Variants in KL observed in about 807,000 individuals in gnomAD.
KL encodes klotho, also known as alpha-klotho.
KL carries 62 observed loss-of-function variants against 84.2 expected under a neutral mutation model. The ratio of observed to expected loss-of-function variants is 0.74; its 90% CI spans 0.60 to 0.91. The LOEUF (loss-of-function observed/expected upper bound fraction) is 0.91, where lower values mean the gene tolerates loss of function less well. Ranked by LOEUF, KL falls within the 40% of genes least tolerant of loss-of-function variation. The pLI is 0.00. For synonymous variants in KL, 528 were observed against 528.0 expected (o/e 1.00, Z 0.00); for missense variants, 1,261 against 1,305.7 (o/e 0.97, Z 0.53).
At chr13:33,062,934 T>C (rs924526474) in intron 4 of KL, among the ~76,000 whole-genome samples, 3 of 151,838 alleles carry the variant, frequency 2.0e-5, no homozygotes, top group Admixed American at 1.3e-4. Context: ...GTCTAAGGCA[T>C]GGTGAAGAGT....
rs1277916059 is a variant in KL, at chr13:33,065,112, C to T, written c.*926C>T. 3 of 226,260 alleles carry T rather than the reference C, an allele frequency of 1.3e-5. No individual in the cohort carries two copies. The highest frequency in any genetic ancestry group is 2.6e-5 in the Non-Finnish European group (3 of 113,522). The allele number at this position is 226,260 out of a possible 1,614,324, so 14.0% of individuals were successfully genotyped here. Reference sequence around the variant, plus strand: ...TTGGAATGAATGACATGACCTTTCCCTAGAGAATAAGGATGAAATAATCAC... The same window carrying T: ...TTGGAATGAATGACATGACCTTTCCTTAGAGAATAAGGATGAAATAATCAC... On this transcript the variant is annotated 3_prime_UTR_variant, in exon 5 of 5. Transcript: ENST00000380099.
intron 1 of KL, among the ~76,000 whole-genome samples, chr13:33,023,294 T>C (rs1379439628): frequency 6.6e-6 from 1 of 152,236 alleles, no homozygotes; most frequent in Non-Finnish European, 1.5e-5. Flanking sequence ...TAAAAGCACC[T>C]TATATATGTC....
Position 33,064,111 on chromosome 13 carries a change from T to A in KL, c.2964T>A (p.Phe988Leu). 6.2e-7 allele frequency: 1 copy of A among 1,613,914 alleles called. No individual in the cohort carries two copies. The highest frequency in any genetic ancestry group is 8.5e-7 in the Non-Finnish European group (1 of 1,179,948). The change falls in exon 5 of 5, where the codon TTT (phenylalanine) becomes TTA (leucine). Residue 988 changes from phenylalanine (F) to leucine (L), a missense_variant. Transcript: ENST00000380099. ...TRKSLLAFIA[F>L]LFFASIISLS... ...AGTCTTTACTGGCTTTCATAGCTTT[T>A]CTATTTTTTGCTTCTATTATTTCTC... is the stretch of plus-strand genomic sequence containing the variant.
rs1872386469 is a variant in KL, at chr13:33,065,672, T to C, written c.*1486T>C. The C allele has an allele frequency of 5.6e-6, 1 of 177,952 alleles. No individual in the cohort carries two copies. Among genetic ancestry groups the C allele is most frequent in the African/African-American group, 2.4e-5 (1 of 42,262 alleles). The allele number at this position is 177,952 out of a possible 1,614,324, so 11.0% of individuals were successfully genotyped here. On this transcript the variant is annotated 3_prime_UTR_variant, in exon 5 of 5. Coordinates refer to ENST00000380099, the MANE Select transcript of KL (RefSeq NM_004795.4). The stretch of plus-strand genomic sequence containing the variant: ...TAAAATTGGATGCTAGAGAATCAAG[T>C]TTATTTTATGTATATATTTTTCTGA...
intron 1 of KL, among the ~76,000 whole-genome samples, chr13:33,030,462 A>T (rs422753): frequency 0.31 from 47,518 of 152,046 alleles, 8,701 homozygotes; most frequent in Admixed American, 0.43. Context: ...TAAAGTTGAG[A>T]AAATTTTCAT....
rs1301195328 is a variant in KL, at chr13:33,044,651, T to TTC, written c.820-9115_820-9114insCT. On this transcript the variant is annotated intron_variant, in intron 1 of 4. Coordinates refer to ENST00000380099, the MANE Select transcript of KL (RefSeq NM_004795.4). ...ATGCAATTGATTTTCTTTTTTTTTT[T>TTC]TTTTTTTTTTTTTTTTTGAGACAGA... Among the ~76,000 whole-genome samples the TTC allele has an allele frequency of 4.6e-3, 443 of 95,834 alleles. 6 individuals carry two copies. Among genetic ancestry groups the TTC allele is most frequent in the African/African-American group, 0.016 (368 of 23,198 alleles). 62.9% of individuals were successfully genotyped at this position (95,834 alleles called of 152,430 possible).
In KL at chr13:33,016,669, G is replaced by A; in HGVS notation, c.229G>A (p.Glu77Lys). ...WAVGSAAYQT[E>K]GGWQQHGKGA... ...CGTGGGCAGCGCCGCCTACCAGACC[G>A]AGGGCGGCTGGCAGCAGCACGGCAA... is the stretch of plus-strand genomic sequence containing the variant. The change falls in exon 1 of 5, where the codon GAG becomes AAG. Residue 77 changes from glutamate (E) to lysine (K), a missense_variant. Coordinates refer to ENST00000380099, the MANE Select transcript of KL (RefSeq NM_004795.4). 6.3e-7 allele frequency: 1 copy of A among 1,593,582 alleles called. No individual in the cohort carries two copies. The highest frequency in any genetic ancestry group is 8.5e-7 in the Non-Finnish European group (1 of 1,170,396).
intron 1 of KL, among the ~76,000 whole-genome samples, chr13:33,018,468 T>C (rs1334266842): frequency 1.3e-5 from 2 of 152,258 alleles, no homozygotes; most frequent in African/African-American, 4.8e-5. Context: ...AATTAGATTT[T>C]ATGTCAGTTC....
At chr13:33,043,182 A>G (rs1315765314) in intron 1 of KL, among the ~76,000 whole-genome samples, 4 of 151,774 alleles carry the variant, frequency 2.6e-5, no homozygotes, top group Admixed American at 1.3e-4. Flanking sequence ...CCATCAATGT[A>G]TGAAATTTCC....
At chr13:33,017,388 G>A (rs1382178507) in intron 1 of KL, 129 bp downstream of exon 1, 7 of 879,006 alleles carry the variant, frequency 8.0e-6, no homozygotes, top group Admixed American at 5.7e-5. Flanking sequence ...TGTGGTCACC[G>A]GGGGAAACTG....
intron 1 of KL, among the ~76,000 whole-genome samples, chr13:33,047,885 CTTA>C (rs1871595369): frequency 6.6e-6 from 1 of 151,758 alleles, no homozygotes; most frequent in Non-Finnish European, 1.5e-5. Flanking sequence ...ATTATTTATT[CTTA>C]TTATTATTCC....
At chr13:33,019,732 T>TGGGAGA (rs139721497) in intron 1 of KL, among the ~76,000 whole-genome samples, 1 of 133,368 alleles carries the variant, frequency 7.5e-6, no homozygotes, top group African/African-American at 3.0e-5. Flanking sequence ...TGTGTGTGTG[T>TGGGAGA]GAGAGAGAGA....
chr13:33,051,830 CTG>C (rs1428801381), intron 1 of KL, among the ~76,000 whole-genome samples: 35 of 152,328 alleles, frequency 2.3e-4, no homozygotes, highest in African/African-American at 7.5e-4. Context: ...TAGGACATGA[CTG>C]TTCATAGGCC....
intron 1 of KL, among the ~76,000 whole-genome samples, chr13:33,021,437 G>T (rs1211992258): frequency 6.6e-6 from 1 of 152,198 alleles, no homozygotes; most frequent in African/African-American, 2.4e-5. Context: ...CTCCTGGCCA[G>T]CTTTAGGAGT....
In KL at chr13:33,064,155, A is replaced by C. The variant is rs35328951; in HGVS notation, c.3008A>C (p.Tyr1003Ser). 6.2e-7 allele frequency: 1 copy of C among 1,610,380 alleles called. No homozygotes were observed. Among genetic ancestry groups the C allele is most frequent in the East Asian group, 2.2e-5 (1 of 44,872 alleles). ...ATTTCTCTCTCCCTTATATTTTACT[A>C]CTCGAAGAAAGGCAGAAGAAGTTAC... The part of the protein sequence containing the change: ...SIISLSLIFY[Y>S]SKKGRRSYK The change falls in exon 5 of 5, where the codon TAC (tyrosine) becomes TCC (serine). Residue 1003 changes from tyrosine (Y) to serine (S), a missense_variant. Coordinates refer to ENST00000380099, the MANE Select transcript of KL (RefSeq NM_004795.4).
intron 1 of KL, among the ~76,000 whole-genome samples, chr13:33,046,006 G>A (rs991817677): frequency 6.6e-6 from 1 of 152,038 alleles, no homozygotes. Flanking sequence ...AGTTGATTGT[G>A]CTGTATAATT....
chr13:33,063,947 C>T lies in KL; in HGVS notation c.2800C>T (p.Gln934Ter). 1 of 1,614,154 alleles carries T rather than the reference C, an allele frequency of 6.2e-7. No individual in the cohort carries two copies. Residue 934 changes from glutamine to a stop codon, truncating the protein, a stop_gained, in exon 5 of 5, where the codon CAG becomes TAG. Coordinates refer to ENST00000380099, the MANE Select transcript of KL (RefSeq NM_004795.4). LOFTEE classifies it high-confidence loss of function. ...TGGCCTCTATCGTTATGCTGCAGATCAGTTTGAGCCCAAGGCATCCATGAA... is the reference window on the plus strand; with the variant it reads ...TGGCCTCTATCGTTATGCTGCAGATTAGTTTGAGCCCAAGGCATCCATGAA... ...RFGLYRYAAD[Q>*]FEPKASMKHY... is the part of the protein sequence containing the mutation.
intron 1 of KL, among the ~76,000 whole-genome samples, chr13:33,050,023 G>A (rs545907236): frequency 6.6e-6 from 1 of 152,022 alleles, no homozygotes; most frequent in Non-Finnish European, 1.5e-5. Flanking sequence ...TTTTAGAAAC[G>A]TTTTTACATG....
At chr13:33,035,501 C>T (rs1249793048) in intron 1 of KL, among the ~76,000 whole-genome samples, 1 of 152,178 alleles carries the variant, frequency 6.6e-6, no homozygotes, top group Non-Finnish European at 1.5e-5. Context: ...TAGATGTTTA[C>T]TGAAAAAATC....
Sources: allele counts gnomAD v4.1 joint callset (sites outside exome capture counted in the v4.1 genomes callset), GRCh38; gene constraint gnomAD v4.1.1; transcripts MANE v1.5; gene names NCBI Gene and HGNC (gene_info 2026-07-23, HGNC 2026-07-21).